Variants in TMEM181 observed in about 807,000 individuals in gnomAD.
TMEM181 encodes G protein-coupled receptor 178.
Under a neutral mutation model 71.9 loss-of-function variants are expected in TMEM181, and 39 were observed. The observed-to-expected ratio is 0.54, with a 90% CI of 0.42 to 0.71. The LOEUF (loss-of-function observed/expected upper bound fraction) is 0.71. Ranked by LOEUF, TMEM181 falls within the 30% of genes least tolerant of loss-of-function variation. The probability of loss-of-function intolerance (pLI) is 0.00; values close to 1 mark genes in which losing one functional copy is unlikely to be tolerated. For synonymous variants in TMEM181, 245 were observed against 228.8 expected, an observed-to-expected ratio of 1.07 and a Z score of -0.64; for missense variants, 595 against 583.0, an observed-to-expected ratio of 1.02 and a Z score of -0.21.
At chr6:158,581,043 C>T (rs752568705) in intron 3 of TMEM181, 48 bp downstream of exon 3, 7 of 1,540,758 alleles carry the variant, frequency 4.5e-6, no homozygotes, top group Non-Finnish European at 6.3e-6. Flanking sequence ...GCATTATAAA[C>T]CTCAGGTCAC....
chr6:158,565,600 T>C (rs1782445149), intron 1 of TMEM181, among the ~76,000 whole-genome samples: 2 of 151,882 alleles, frequency 1.3e-5, no homozygotes, highest in Admixed American at 1.3e-4. Flanking sequence ...GCAGGGAAAA[T>C]AGGAGAACAT....
chr6:158,571,288 G>T (rs1041094084), intron 1 of TMEM181, among the ~76,000 whole-genome samples: 1 of 148,864 alleles, frequency 6.7e-6, no homozygotes, highest in Non-Finnish European at 1.5e-5. Flanking sequence ...TAGTAAAGAC[G>T]GGGTTTCACC....
chr6:158,540,642 G>A (rs544235419), intron 1 of TMEM181, among the ~76,000 whole-genome samples: 19 of 152,332 alleles, frequency 1.2e-4, no homozygotes, highest in East Asian at 5.8e-4. Flanking sequence ...TTAGCTGGGC[G>A]TGGTGGTGCA....
intron 1 of TMEM181, among the ~76,000 whole-genome samples, chr6:158,543,488 G>A (rs768636449): frequency 2.0e-5 from 3 of 152,228 alleles, no homozygotes; most frequent in African/African-American, 7.2e-5. Context: ...CAACAGGGAT[G>A]TATCGTCTCC....
intron 5 of TMEM181, among the ~76,000 whole-genome samples, chr6:158,586,252 G>A (rs1264796828): frequency 6.6e-6 from 1 of 152,190 alleles, no homozygotes; most frequent in South Asian, 2.1e-4. Context: ...CTGCTAGAGC[G>A]AGGAGTCCAC....
rs1017354935 is a variant in TMEM181, at chr6:158,628,482, A to G, written c.1184A>G (p.Tyr395Cys). 3 of 1,614,104 alleles carry G rather than the reference A, an allele frequency of 1.9e-6. No individual in the cohort carries two copies. Among genetic ancestry groups the G allele is most frequent in the Non-Finnish European group, 2.5e-6 (3 of 1,179,982 alleles). Residue 395 changes from tyrosine to cysteine, a missense_variant, in exon 14 of 17, where the codon TAC (tyrosine) becomes TGC (cysteine). By Grantham distance (194) the Tyr-to-Cys change is radical. Coordinates refer to ENST00000684151, the MANE Select transcript of TMEM181 (RefSeq NM_001376852.1). ...DNFVAELSTH[Y>C]QNSAEFLSFY... ...TTTGTAGCAGAGCTGTCAACTCACTACCAGAATTATATCCTTTTCACTGGA... is the reference window on the plus strand; with the variant it reads ...TTTGTAGCAGAGCTGTCAACTCACTGCCAGAATTATATCCTTTTCACTGGA...
At chr6:158,570,707 T>C (rs1345452354) in intron 1 of TMEM181, among the ~76,000 whole-genome samples, 1 of 148,428 alleles carries the variant, frequency 6.7e-6, no homozygotes, top group Non-Finnish European at 1.5e-5. Context: ...CCCTGTGGCT[T>C]CCCCTCAGGG....
chr6:158,619,573 G>A (rs1785832646), intron 10 of TMEM181, among the ~76,000 whole-genome samples: 1 of 152,088 alleles, frequency 6.6e-6, no homozygotes, highest in African/African-American at 2.4e-5. Flanking sequence ...TTTTGTTTTT[G>A]TAAGAGAAGG....
chr6:158,627,209 C>T (rs1448858955), intron 13 of TMEM181, among the ~76,000 whole-genome samples: 1 of 152,166 alleles, frequency 6.6e-6, no homozygotes, highest in Non-Finnish European at 1.5e-5. Flanking sequence ...TTCACTCACA[C>T]ACCCTCACCC....
intron 1 of TMEM181, among the ~76,000 whole-genome samples, chr6:158,567,675 A>G (rs1455524997): frequency 2.6e-5 from 4 of 152,222 alleles, no homozygotes; most frequent in Non-Finnish European, 5.9e-5. Flanking sequence ...ATTGGGCAGC[A>G]TCATAGAATT....
At chr6:158,626,866 CCTCACTCTCACACT>C (rs1435944154) in intron 13 of TMEM181, among the ~76,000 whole-genome samples, 1 of 146,026 alleles carries the variant, frequency 6.8e-6, no homozygotes, top group Non-Finnish European at 1.5e-5. Context: ...ATCCTCACAC[CCTCACTCTCACACT>C]CTCACACCCC....
chr6:158,550,549 G>A (rs1261328222), intron 1 of TMEM181, among the ~76,000 whole-genome samples: 6 of 151,772 alleles, frequency 4.0e-5, no homozygotes, highest in East Asian at 3.9e-4. Context: ...TCAGCTACTC[G>A]GGAGGCTGAG....
intron 10 of TMEM181, among the ~76,000 whole-genome samples, chr6:158,609,250 G>A (rs950109482): frequency 3.3e-5 from 5 of 152,050 alleles, no homozygotes; most frequent in African/African-American, 1.2e-4. Flanking sequence ...TTAACTATCT[G>A]CGGTCTTGGA....
At chr6:158,585,204 C>T (rs1024430913) in intron 4 of TMEM181, 100 bp from the exon 5 acceptor site, 20 of 1,338,348 alleles carry the variant, frequency 1.5e-5, no homozygotes, top group African/African-American at 3.0e-5. Flanking sequence ...GGACCTTAAG[C>T]GTTTTCCTGG....
At chr6:158,566,259 G>T (rs1412357684) in intron 1 of TMEM181, among the ~76,000 whole-genome samples, 1 of 152,096 alleles carries the variant, frequency 6.6e-6, no homozygotes, top group African/African-American at 2.4e-5. Context: ...GTCTGGAGTT[G>T]AGGGGAGAGG....
intron 6 of TMEM181, among the ~76,000 whole-genome samples, chr6:158,592,325 T>C (rs1191674638): frequency 6.6e-6 from 1 of 152,192 alleles, no homozygotes; most frequent in African/African-American, 2.4e-5. Context: ...AGTTCAAGAA[T>C]GAATGTCTTT....
intron 2 of TMEM181, among the ~76,000 whole-genome samples, chr6:158,573,910 G>A (rs1397370823): frequency 1.3e-5 from 2 of 152,166 alleles, no homozygotes; most frequent in Admixed American, 6.5e-5. Flanking sequence ...CTGATGGGGA[G>A]GGGAGGAGAG....
At chr6:158,552,307 C>A (rs1190740356) in intron 1 of TMEM181, among the ~76,000 whole-genome samples, 1 of 152,060 alleles carries the variant, frequency 6.6e-6, no homozygotes, top group Non-Finnish European at 1.5e-5. Flanking sequence ...TTATGGGAAG[C>A]CCACTTAGAT....
At chr6:158,619,310 C>T (rs375647589) in intron 10 of TMEM181, among the ~76,000 whole-genome samples, 1 of 152,206 alleles carries the variant, frequency 6.6e-6, no homozygotes, top group Admixed American at 6.5e-5. Context: ...GTGCATGCGT[C>T]ACGTAGTTCT....
Sources: gnomAD v4.1 joint callset for allele counts (sites outside exome capture counted in the v4.1 genomes callset) on GRCh38, gnomAD v4.1.1 for gene constraint, MANE v1.5 for transcripts, NCBI Gene and HGNC (gene_info 2026-07-23, HGNC 2026-07-21) for gene names.